DRD2: variants seen among roughly 807,000 people sequenced by gnomAD.
DRD2 encodes the protein D(2) dopamine receptor.
In DRD2, 8 loss-of-function variants were observed where a neutral mutation model predicts 38.0. That is an observed-to-expected ratio of 0.21 (90% CI 0.12 to 0.38). The LOEUF is 0.38. Ranked by LOEUF, DRD2 falls within the 10% of genes least tolerant of loss-of-function variation. The pLI, the probability that DRD2 is intolerant of heterozygous loss-of-function variation, is 1.00. For synonymous variants in DRD2, 230 were observed against 238.6 expected, an observed-to-expected ratio of 0.96 and a Z score of 0.33; for missense variants, 403 against 607.7, an observed-to-expected ratio of 0.66 and a Z score of 3.54.
intron 1 of DRD2, among the ~76,000 whole-genome samples, chr11:113,456,231 C>T (rs911943336): frequency 3.9e-5 from 6 of 152,148 alleles, no homozygotes; most frequent in African/African-American, 7.2e-5. Flanking sequence ...GTGGAATCTA[C>T]GAATTTGAAC....
chr11:113,474,165 G>A (rs1242373217), intron 1 of DRD2: 2 of 152,324 alleles, frequency 1.3e-5, no homozygotes, highest in Non-Finnish European at 2.9e-5. Flanking sequence ...TCCCCACGGA[G>A]CTGCACTGCT....
chr11:113,468,526 G>GT lies in DRD2; in HGVS notation c.-32+6549_-32+6550insA, dbSNP rs1565681194. On this transcript the variant is annotated intron_variant, in intron 1 of 7. Transcript: ENST00000362072. ...TGTCTATCAGAAAAGCATTGATCAG[G>GT]GTTTTTTTTGTTTTTTGTTTGTTTG... Among the ~76,000 whole-genome samples, 77 of 151,340 alleles carry GT rather than the reference G, an allele frequency of 5.1e-4. 1 individual carries two copies. The East Asian group carries it at 5.2e-3, about 10-fold the overall frequency.
At chr11:113,416,224 C>T (rs1408323138) in intron 4 of DRD2, among the ~76,000 whole-genome samples, 4 of 152,342 alleles carry the variant, frequency 2.6e-5, no homozygotes, top group Middle Eastern at 3.4e-3. Context: ...CAAGGCTTCA[C>T]TGTATCTTTT....
intron 1 of DRD2, among the ~76,000 whole-genome samples, chr11:113,446,251 A>G (rs996084924): frequency 2.0e-5 from 3 of 151,716 alleles, no homozygotes; most frequent in African/African-American, 4.8e-5. Context: ...TTCCCCAGGC[A>G]CTCTCTTCAT....
intron 1 of DRD2, among the ~76,000 whole-genome samples, chr11:113,464,374 C>T (rs1439440305): frequency 6.6e-6 from 1 of 152,190 alleles, no homozygotes; most frequent in Non-Finnish European, 1.5e-5. Context: ...CTCATAAAGA[C>T]TCTGTTCCTT....
chr11:113,469,429 C>T (rs970879077), intron 1 of DRD2, among the ~76,000 whole-genome samples: 1 of 152,178 alleles, frequency 6.6e-6, no homozygotes, highest in African/African-American at 2.4e-5. Flanking sequence ...CTATTCTCCT[C>T]CTTTTCTTGT....
At chr11:113,414,322 G>C (rs761075230) in intron 6 of DRD2, 53 bp downstream of exon 6, 2 of 1,552,660 alleles carry the variant, frequency 1.3e-6, no homozygotes, top group African/African-American at 2.7e-5. Flanking sequence ...TGGCCAGTGG[G>C]CTTCCCTAGG....
intron 3 of DRD2, 42 bp from the exon 4 acceptor site, chr11:113,417,041 G>A (rs1443748828): frequency 6.2e-7 from 1 of 1,607,730 alleles, no homozygotes; most frequent in Non-Finnish European, 8.5e-7. Flanking sequence ...GCAGGCCCAG[G>A]GACCCCTCAC....
At chr11:113,458,882 G>A (rs192081501) in intron 1 of DRD2, among the ~76,000 whole-genome samples, 77 of 152,164 alleles carry the variant, frequency 5.1e-4, no homozygotes, top group African/African-American at 1.8e-3. Context: ...GGTCATTATC[G>A]ACCTCACATG....
chr11:113,460,952 C>A (rs1043743850), intron 1 of DRD2, among the ~76,000 whole-genome samples: 1 of 152,262 alleles, frequency 6.6e-6, no homozygotes, highest in African/African-American at 2.4e-5. Context: ...CTGATACCTT[C>A]CCTCACCTAT....
At chr11:113,468,358 A>G (rs1377624500) in intron 1 of DRD2, among the ~76,000 whole-genome samples, 3 of 152,096 alleles carry the variant, frequency 2.0e-5, no homozygotes, top group African/African-American at 7.2e-5. Flanking sequence ...CATTCATAAA[A>G]CTCATGGTGA....
chr11:113,455,742 C>T (rs942051842), intron 1 of DRD2, among the ~76,000 whole-genome samples: 3 of 152,250 alleles, frequency 2.0e-5, no homozygotes, highest in South Asian at 2.1e-4. Flanking sequence ...TGAGATGTCA[C>T]CTCATGCTGG....
rs67577307 is a variant in DRD2 at position 113,439,838 on chromosome 11, C to CAAAAAA, written c.-31-15162_-31-15157dup. Among the ~76,000 whole-genome samples the CAAAAAA allele has an allele frequency of 1.8e-4, 3 of 16,254 alleles. 1 individual carries two copies. The highest frequency in any genetic ancestry group is 2.9e-4 in the African/African-American group (1 of 3,438). 10.7% of individuals were successfully genotyped at this position (16,254 alleles called of 152,430 possible). A position where few individuals can be genotyped will look rare whatever the true frequency, so the allele number is the denominator to read the frequency against. The stretch of plus-strand genomic sequence containing the variant: ...TGGGTGACAGAGGGAGGCTCTGTCT[C>CAAAAAA]AAAAAAAAAAAAAAAAAAAAAAAAA... On this transcript the variant is annotated intron_variant, in intron 1 of 7. Transcript: ENST00000362072.
chr11:113,427,281 G>A (rs1395655599), intron 1 of DRD2, among the ~76,000 whole-genome samples: 8 of 152,016 alleles, frequency 5.3e-5, no homozygotes, highest in Non-Finnish European at 1.2e-4. Context: ...CCTTCCCTCT[G>A]CTTTTCCAGT....
At chr11:113,416,659 C>T (rs1591275525) in intron 4 of DRD2, among the ~76,000 whole-genome samples, 1 of 152,220 alleles carries the variant, frequency 6.6e-6, no homozygotes, top group East Asian at 1.9e-4. Flanking sequence ...TGTCCTGGGC[C>T]ACTGTTTCCT....
At chr11:113,448,147 G>C (rs1007733118) in intron 1 of DRD2, among the ~76,000 whole-genome samples, 1 of 152,216 alleles carries the variant, frequency 6.6e-6, no homozygotes, top group African/African-American at 2.4e-5. Context: ...CAGGGAGTGA[G>C]TGAGTCACCA....
intron 1 of DRD2, among the ~76,000 whole-genome samples, chr11:113,463,334 T>C (rs1000013665): frequency 2.0e-5 from 3 of 152,150 alleles, no homozygotes; most frequent in Non-Finnish European, 4.4e-5. Flanking sequence ...GTGCACACCA[T>C]CTGTGGCCAT....
intron 1 of DRD2, among the ~76,000 whole-genome samples, chr11:113,474,832 C>T (rs1188329130): frequency 2.0e-5 from 3 of 152,002 alleles, no homozygotes; most frequent in African/African-American, 4.8e-5. Flanking sequence ...GAGAGGATTC[C>T]CTTCTAAGTG....
intron 1 of DRD2, among the ~76,000 whole-genome samples, chr11:113,465,399 TTTG>T (rs1243903430): frequency 5.0e-5 from 7 of 141,354 alleles, no homozygotes; most frequent in African/African-American, 1.3e-4. Flanking sequence ...CTGGCCAGTT[TTTG>T]TTGTTGTTGT....
Sources: gnomAD v4.1 joint callset for allele counts (sites outside exome capture counted in the v4.1 genomes callset) on GRCh38, gnomAD v4.1.1 for gene constraint, MANE v1.5 for transcripts, NCBI Gene and HGNC (gene_info 2026-07-23, HGNC 2026-07-21) for gene names.